The following PDE4D variants were observed in gnomAD, a reference collection of about 807,000 sequenced individuals.
PDE4D encodes the protein phosphodiesterase 4D.
A neutral mutation model predicts 87.4 loss-of-function variants in PDE4D; 24 were observed. The ratio of observed to expected loss-of-function variants is 0.27; its 90% CI spans 0.20 to 0.39. The LOEUF (loss-of-function observed/expected upper bound fraction) is 0.39. PDE4D is among the 10% of genes least tolerant of loss of function. The pLI, the probability that PDE4D is intolerant of heterozygous loss-of-function variation, is 1.00. For synonymous variants in PDE4D, 384 were observed against 383.2 expected (o/e 1.00, Z -0.02); for missense variants, 714 against 1,041.0 (o/e 0.69, Z 4.32).
chr5:59,592,320 A>C (rs576735986), intron 1 of PDE4D, among the ~76,000 whole-genome samples: 1 of 152,340 alleles, frequency 6.6e-6, no homozygotes, highest in South Asian at 2.1e-4. Flanking sequence ...CTGAAATACG[A>C]GAAGCCTTTC....
At chr5:60,109,370 G>C (rs1777418920) in intron 2 of PDE4D, among the ~76,000 whole-genome samples, 1 of 151,816 alleles carries the variant, frequency 6.6e-6, no homozygotes, top group Non-Finnish European at 1.5e-5. Context: ...AACAGGTGCT[G>C]GAGAGGATGT....
chr5:59,137,725 A>C (rs911855050), intron 5 of PDE4D, among the ~76,000 whole-genome samples: 7 of 152,090 alleles, frequency 4.6e-5, no homozygotes, highest in Non-Finnish European at 8.8e-5. Context: ...ACAGGGTTTC[A>C]CCGTATTAAC....
chr5:59,157,334 C>T (rs990888050), intron 5 of PDE4D: 7 of 702,412 alleles, frequency 1.0e-5, no homozygotes, highest in Admixed American at 2.0e-5. Context: ...TGTCAAGTAA[C>T]GTATATGGGT....
chr5:59,663,747 A>G (rs1201844079), intron 1 of PDE4D, among the ~76,000 whole-genome samples: 1 of 152,200 alleles, frequency 6.6e-6, no homozygotes, highest in Non-Finnish European at 1.5e-5. Context: ...CTGCATTTTC[A>G]GTGTCATTAT....
At chr5:60,193,436 C>T (rs933187666) in intron 1 of PDE4D, among the ~76,000 whole-genome samples, 6 of 151,726 alleles carry the variant, frequency 4.0e-5, no homozygotes, top group Non-Finnish European at 4.4e-5. Context: ...TTTGGGAGGC[C>T]GAGGCGGGTG....
chr5:59,964,143 C>T (rs1483312584), intron 3 of PDE4D, among the ~76,000 whole-genome samples: 1 of 152,104 alleles, frequency 6.6e-6, no homozygotes, highest in Non-Finnish European at 1.5e-5. Flanking sequence ...ATGTAATGGG[C>T]CTAGAACATG....
At chr5:59,373,821 C>T (rs1784310501) in intron 1 of PDE4D, among the ~76,000 whole-genome samples, 1 of 152,286 alleles carries the variant, frequency 6.6e-6, no homozygotes, top group African/African-American at 2.4e-5. Context: ...ATCAGACTAA[C>T]TGTGGACCTC....
chr5:59,093,056 A>G (rs749193003), intron 5 of PDE4D, among the ~76,000 whole-genome samples: 6 of 152,220 alleles, frequency 3.9e-5, no homozygotes, highest in Non-Finnish European at 8.8e-5. Context: ...TAATAAAGGA[A>G]ACAAGATCAG....
intron 1 of PDE4D, among the ~76,000 whole-genome samples, chr5:59,696,874 G>T (rs1751858401): frequency 1.3e-5 from 2 of 151,920 alleles, no homozygotes; most frequent in African/African-American, 4.8e-5. Flanking sequence ...ATCTGTTGAA[G>T]GAATGAAGGA....
At chr5:59,633,270 C>T (rs1831804088) in intron 1 of PDE4D, among the ~76,000 whole-genome samples, 1 of 152,064 alleles carries the variant, frequency 6.6e-6, no homozygotes, top group Non-Finnish European at 1.5e-5. Context: ...GATTAGTGTA[C>T]CTGAAAGAGA....
chr5:59,796,637 A>G (rs1391265894), intron 1 of PDE4D, among the ~76,000 whole-genome samples: 1 of 152,252 alleles, frequency 6.6e-6, no homozygotes, highest in Non-Finnish European at 1.5e-5. Flanking sequence ...GCCTTATTAA[A>G]AAAATTAAAG....
chr5:59,909,170 T>C (rs1205592315), intron 3 of PDE4D, among the ~76,000 whole-genome samples: 1 of 152,224 alleles, frequency 6.6e-6, no homozygotes, highest in East Asian at 1.9e-4. Flanking sequence ...ACCATCACTT[T>C]CTTTTCATCC....
chr5:60,384,007 C>CT, intron 1 of PDE4D, among the ~76,000 whole-genome samples: 1 of 152,062 alleles, frequency 6.6e-6, no homozygotes, highest in Non-Finnish European at 1.5e-5. Context: ...TTCTTAACCA[C>CT]AAATAACTAA....
chr5:60,275,554 G>A (rs961367850), intron 1 of PDE4D, among the ~76,000 whole-genome samples: 5 of 150,828 alleles, frequency 3.3e-5, no homozygotes, highest in African/African-American at 1.2e-4. Context: ...ATAGGGTATT[G>A]GCATTTTGAA....
chr5:60,165,576 G>A (rs1782819491), intron 2 of PDE4D, among the ~76,000 whole-genome samples: 2 of 151,696 alleles, frequency 1.3e-5, no homozygotes, highest in Non-Finnish European at 1.5e-5. Context: ...GGATTGCACT[G>A]AAACTGTAGA....
At chr5:59,727,375 G>T (rs1365704023) in intron 1 of PDE4D, among the ~76,000 whole-genome samples, 2 of 152,004 alleles carry the variant, frequency 1.3e-5, no homozygotes, top group Admixed American at 1.3e-4. Flanking sequence ...CCAGCAATAC[G>T]CCTCAGGGAA....
chr5:59,703,125 G>T (rs1752850420), intron 1 of PDE4D, among the ~76,000 whole-genome samples: 1 of 151,876 alleles, frequency 6.6e-6, no homozygotes, highest in Admixed American at 6.6e-5. Context: ...TTGTGAATAT[G>T]GTATGATATC....
At chr5:59,213,380 T>A (rs1275810200) in intron 2 of PDE4D, among the ~76,000 whole-genome samples, 1 of 152,134 alleles carries the variant, frequency 6.6e-6, no homozygotes, top group Non-Finnish European at 1.5e-5. Context: ...AAGGCAGGTC[T>A]TCTTTGTCCT....
At chr5:59,391,501 A>G (rs1788240214) in intron 1 of PDE4D, among the ~76,000 whole-genome samples, 1 of 152,146 alleles carries the variant, frequency 6.6e-6, no homozygotes, top group African/African-American at 2.4e-5. Flanking sequence ...AAAGACCCTG[A>G]AAAAAAGAAT....
Sources: allele counts gnomAD v4.1 joint callset (sites outside exome capture counted in the v4.1 genomes callset), GRCh38; gene constraint gnomAD v4.1.1; transcripts MANE v1.5; gene names NCBI Gene and HGNC (gene_info 2026-07-23, HGNC 2026-07-21).